The following KCNG2 variants were observed in gnomAD, a reference collection of about 807,000 sequenced individuals.
The protein encoded by KCNG2 is potassium voltage-gated channel modifier subfamily G member 2.
Under a neutral mutation model 12.3 loss-of-function variants are expected in KCNG2, and 7 were observed. The observed-to-expected ratio is 0.57, with a 90% CI of 0.32 to 1.07. The LOEUF is 1.07. Ranked by LOEUF, KCNG2 falls within the 50% of genes least tolerant of loss-of-function variation. The probability of loss-of-function intolerance (pLI) is 0.04; values close to 1 mark genes in which losing one functional copy is unlikely to be tolerated. For synonymous variants in KCNG2, 414 were observed against 351.4 expected (o/e 1.18, Z -1.99); for missense variants, 703 against 726.0 (o/e 0.97, Z 0.36).
chr18:79,811,332 G>T (rs975998108), intron 1 of KCNG2, among the ~76,000 whole-genome samples: 5 of 152,168 alleles, frequency 3.3e-5, no homozygotes, highest in Non-Finnish European at 1.5e-5. Flanking sequence ...TTACTACAAA[G>T]CTACAGTAAG....
In KCNG2 at chr18:79,832,116, A is replaced by C. The variant is rs1298395983; in HGVS notation, c.-114-24263A>C. 1.1e-4 allele frequency among the ~76,000 whole-genome samples: 17 copies of C among 152,168 alleles called. 1 individual carries two copies. On this transcript the variant is annotated intron_variant, in intron 1 of 3. Transcript: ENST00000316249. ...CCTGGTTCTGAGCCTACTCCGAGGTACATCTATCCGCTGCTCATAGCTTGC... is the reference window on the plus strand; with the variant it reads ...CCTGGTTCTGAGCCTACTCCGAGGTCCATCTATCCGCTGCTCATAGCTTGC...
intron 1 of KCNG2, among the ~76,000 whole-genome samples, chr18:79,810,063 T>C (rs1171714337): frequency 6.6e-6 from 1 of 152,222 alleles, no homozygotes; most frequent in East Asian, 1.9e-4. Context: ...GAAGGGCCGA[T>C]GAGGATGAAA....
At chr18:79,847,499 G>A (rs1327917361) in intron 1 of KCNG2, among the ~76,000 whole-genome samples, 2 of 152,188 alleles carry the variant, frequency 1.3e-5, no homozygotes, top group Non-Finnish European at 2.9e-5. Context: ...TGCGGACCAC[G>A]CTCCCTGTGG....
chr18:79,799,386 C>G (rs1233109270), intron 1 of KCNG2, among the ~76,000 whole-genome samples: 2 of 152,180 alleles, frequency 1.3e-5, no homozygotes, highest in East Asian at 1.9e-4. Context: ...GGGTACACAG[C>G]TGGCCTCTGA....
chr18:79,816,840 T>A (rs538467716), intron 1 of KCNG2, among the ~76,000 whole-genome samples: 1 of 152,296 alleles, frequency 6.6e-6, no homozygotes, highest in Admixed American at 6.5e-5. Context: ...AGGTCACAAA[T>A]CCAGAAGTTA....
chr18:79,883,893 C>G (rs1025112537), intron 3 of KCNG2, among the ~76,000 whole-genome samples: 20 of 152,298 alleles, frequency 1.3e-4, no homozygotes, highest in African/African-American at 4.8e-4. Context: ...TGCCATTTAG[C>G]ACAGACTTGC....
intron 1 of KCNG2, among the ~76,000 whole-genome samples, chr18:79,844,100 T>C (rs901646927): frequency 6.6e-6 from 1 of 152,050 alleles, no homozygotes; most frequent in African/African-American, 2.4e-5. Flanking sequence ...TCAGACAAAA[T>C]ATATCTGCAC....
At chr18:79,848,213 TCTAAGTAGGGTTTG>T (rs1978689189) in intron 1 of KCNG2, among the ~76,000 whole-genome samples, 1 of 152,218 alleles carries the variant, frequency 6.6e-6, no homozygotes, top group African/African-American at 2.4e-5. Context: ...CGCATATGCT[TCTAAGTAGGGTTTG>T]CCTTTTGCTT....
intron 1 of KCNG2, among the ~76,000 whole-genome samples, chr18:79,833,145 T>TG (rs372753243): frequency 3.3e-5 from 5 of 152,244 alleles, no homozygotes; most frequent in Non-Finnish European, 7.3e-5. Context: ...GGGTTTTTTT[T>TG]GTTTTTTTGA....
At chr18:79,867,945 A>AGGC (rs1979675367) in intron 3 of KCNG2, among the ~76,000 whole-genome samples, 2 of 152,116 alleles carry the variant, frequency 1.3e-5, no homozygotes, top group South Asian at 4.1e-4. Context: ...CCCGAGTGCC[A>AGGC]ATCTGACTTA....
chr18:79,835,070 G>A (rs1335681853), intron 1 of KCNG2, among the ~76,000 whole-genome samples: 2 of 152,186 alleles, frequency 1.3e-5, no homozygotes, highest in Non-Finnish European at 2.9e-5. Flanking sequence ...AGAGATGTGG[G>A]GAGTAGGAAC....
rs558676525 is a variant in KCNG2 at position 79,803,916 on chromosome 18, C to T, written c.-115+5902C>T. Among the ~76,000 whole-genome samples the T allele has an allele frequency of 4.7e-4, 71 of 152,332 alleles. No individual in the cohort carries two copies. The highest frequency in any genetic ancestry group is 1.4e-3 in the African/African-American group (60 of 41,580). On this transcript the variant is annotated intron_variant, in intron 1 of 3. Transcript: ENST00000316249. The surrounding 1 kb of genome is among the most constrained non-coding windows in gnomAD (Gnocchi z 4.5). ...GTGCCGGTGGATCAGAATCTTAGGC[C>T]TGGCCTGGCCGTGTCACTCCTATCT...
intron 3 of KCNG2, among the ~76,000 whole-genome samples, chr18:79,873,767 A>C (rs898642443): frequency 6.6e-6 from 1 of 152,238 alleles, no homozygotes; most frequent in Non-Finnish European, 1.5e-5. Context: ...AGCTGGCAAC[A>C]GTGTCCGCCT....
chr18:79,809,905 G>A (rs192266142), intron 1 of KCNG2, among the ~76,000 whole-genome samples: 1 of 152,326 alleles, frequency 6.6e-6, no homozygotes, highest in Non-Finnish European at 1.5e-5. Flanking sequence ...CCACTATCGT[G>A]ACGCTCCAAC....
In KCNG2 at chr18:79,798,309, C is replaced by G. The variant is rs994935688; in HGVS notation, c.-115+295C>G. Among the ~76,000 whole-genome samples the G allele has an allele frequency of 5.9e-5, 9 of 152,008 alleles. No individual in the cohort carries two copies. In the East Asian group the frequency reaches 1.7e-3, roughly 30 times the overall value. ...GGGGCGTCGGGCCGGAGGCGCTCGC[C>G]GGTCTGGCCGCGCCGCGCGCGTGGA... On this transcript the variant is annotated intron_variant, in intron 1 of 3. Transcript: ENST00000316249.
intron 1 of KCNG2, among the ~76,000 whole-genome samples, chr18:79,826,051 C>T (rs1978285438): frequency 6.6e-6 from 1 of 152,264 alleles, no homozygotes; most frequent in African/African-American, 2.4e-5. Context: ...AGGAAGCTCT[C>T]GGCGTCGGGG....
chr18:79,824,624 C>A (rs900280274), intron 1 of KCNG2, among the ~76,000 whole-genome samples: 1 of 152,286 alleles, frequency 6.6e-6, no homozygotes, highest in African/African-American at 2.4e-5. Context: ...ATTAAGAGAG[C>A]GGCTTTAGAA....
intron 3 of KCNG2, among the ~76,000 whole-genome samples, chr18:79,866,206 T>G (rs1384945486): frequency 1.4e-5 from 2 of 143,482 alleles, no homozygotes; most frequent in African/African-American, 5.3e-5. Context: ...GTCTGCGTGC[T>G]GAGAAGTCTG....
chr18:79,824,703 G>A (rs1314372239), intron 1 of KCNG2, among the ~76,000 whole-genome samples: 1 of 152,116 alleles, frequency 6.6e-6, no homozygotes, highest in Admixed American at 6.6e-5. Context: ...AGGCTGCTTG[G>A]TATCTATGGA....
Sources: allele counts gnomAD v4.1 joint callset (sites outside exome capture counted in the v4.1 genomes callset), GRCh38; gene constraint gnomAD v4.1.1; non-coding constraint Gnocchi (gnomAD v3.1); transcripts MANE v1.5; gene names NCBI Gene and HGNC (gene_info 2026-07-23, HGNC 2026-07-21).